Variants in NFX1 observed in about 807,000 individuals in gnomAD.
The protein encoded by NFX1 is nuclear transcription factor, X-box binding 1, also known as transcriptional repressor NF-X1.
In NFX1, 69 loss-of-function variants were observed where a neutral mutation model predicts 137.2. The observed-to-expected ratio is 0.50, with a 90% CI of 0.41 to 0.61. NFX1 has a LOEUF of 0.61. Among genes scored for constraint, NFX1 ranks in the 20% least tolerant of loss-of-function variants. The pLI, the probability that NFX1 is intolerant of heterozygous loss-of-function variation, is 0.00. For synonymous variants in NFX1, 495 were observed against 474.1 expected (o/e 1.04, Z -0.57); for missense variants, 1,167 against 1,391.0 (o/e 0.84, Z 2.56).
intron 9 of NFX1, among the ~76,000 whole-genome samples, chr9:33,326,889 G>A (rs1424807364): frequency 6.6e-6 from 1 of 152,150 alleles, no homozygotes; most frequent in African/African-American, 2.4e-5. Context: ...CTGTGTAAGG[G>A]TAAACCTTCT....
intron 9 of NFX1, among the ~76,000 whole-genome samples, chr9:33,328,373 G>C (rs1202622730): frequency 6.6e-6 from 1 of 152,020 alleles, no homozygotes; most frequent in African/African-American, 2.4e-5. Flanking sequence ...ATATTCCAGT[G>C]TCTAAGCTGG....
chr9:33,290,580 A>C lies in NFX1; in HGVS notation c.8A>C (p.Glu3Ala), dbSNP rs779535393. The change falls in exon 1 of 24, where the codon GAG becomes GCG. Residue 3 changes from glutamate to alanine, a missense_variant. Glu to Ala is a moderately radical substitution (Grantham distance 107). Coordinates refer to ENST00000379540, the MANE Select transcript of NFX1 (RefSeq NM_002504.6). ...TAGGTTCTGCGGCACGGGATGGCGGAGGCGCCTCCTGTCTCAGGTATTGTC... is the reference window on the plus strand; with the variant it reads ...TAGGTTCTGCGGCACGGGATGGCGGCGGCGCCTCCTGTCTCAGGTATTGTC... Reference protein sequence around the residue: MAEAPPVSGTFKF... With the variant: MAAAPPVSGTFKF... 1 of 1,613,898 alleles carries C rather than the reference A, an allele frequency of 6.2e-7. No homozygotes were observed. The highest frequency in any genetic ancestry group is 1.1e-5 in the South Asian group (1 of 91,076).
intron 2 of NFX1, among the ~76,000 whole-genome samples, chr9:33,299,935 C>A (rs574124649): frequency 1.3e-5 from 2 of 151,926 alleles, no homozygotes; most frequent in African/African-American, 2.4e-5. Flanking sequence ...TTACAGTGTG[C>A]GCTTTTGAGT....
chr9:33,306,335 TTGAC>T (rs1821752811), intron 4 of NFX1, among the ~76,000 whole-genome samples: 2 of 152,150 alleles, frequency 1.3e-5, no homozygotes, highest in Non-Finnish European at 2.9e-5. Context: ...GATGTGAACT[TTGAC>T]TGTGGATAAA....
intron 4 of NFX1, 63 bp from the exon 5 acceptor site, chr9:33,307,131 T>C: frequency 7.6e-7 from 1 of 1,312,968 alleles, no homozygotes; most frequent in South Asian, 1.2e-5. Flanking sequence ...CTTTACTGTT[T>C]CATTAAAGTT....
chr9:33,332,553 C>T (rs1392466494), intron 11 of NFX1, 51 bp downstream of exon 11: 3 of 1,348,822 alleles, frequency 2.2e-6, no homozygotes, highest in Non-Finnish European at 3.1e-6. Context: ...AGTGTCGTCA[C>T]TCTGAATCTT....
intron 18 of NFX1, among the ~76,000 whole-genome samples, 200 bp from the exon 19 acceptor site, chr9:33,354,650 TG>T (rs1347034240): frequency 6.6e-6 from 1 of 152,176 alleles, no homozygotes; most frequent in Non-Finnish European, 1.5e-5. Context: ...TTGGGGTCCC[TG>T]GGGAAATGGT....
rs762981638 is a variant in NFX1 at position 33,301,314 on chromosome 9, G to A, written c.1085G>A (p.Cys362Tyr). Residue 362 changes from cysteine (C) to tyrosine (Y), a missense_variant, in exon 3 of 24, where the codon TGT becomes TAT. Physicochemically the swap from Cys to Tyr is radical, Grantham distance 194. This residue lies in a region of NFX1 where 488 missense variants were observed against 691.5 expected (regional missense o/e 0.71). Coordinates refer to ENST00000379540, the MANE Select transcript of NFX1 (RefSeq NM_002504.6). ...TTEKYECMVC[C>Y]ELVRVTAPVW... ...GAAAAATACGAGTGCATGGTGTGCT[G>A]TGAATTGGTTCGTGTCACGGCCCCA... The A allele has an allele frequency of 1.2e-6, 2 of 1,614,170 alleles. No homozygotes were observed. Among genetic ancestry groups the A allele is most frequent in the South Asian group, 1.1e-5 (1 of 91,086 alleles).
Position 33,307,955 on chromosome 9 carries a change from C to T in NFX1, c.1376+656C>T, listed in dbSNP as rs571592449. 2.4e-3 allele frequency among the ~76,000 whole-genome samples: 359 copies of T among 151,894 alleles called. 1 individual carries two copies. Among genetic ancestry groups the T allele is most frequent in the African/African-American group, 7.7e-3 (320 of 41,474 alleles). On this transcript the variant is annotated intron_variant, in intron 5 of 23. Transcript: ENST00000379540. ...AGTAGCTGGGACTACAGGCGTGTGC[C>T]ACCACGCCTGGCTAATTTTTGTATG...
chr9:33,366,530 CTCTTATTGA>C, intron 21 of NFX1, 90 bp from the exon 22 acceptor site: 1 of 1,435,758 alleles, frequency 7.0e-7, no homozygotes. Flanking sequence ...CTAAAATCAC[CTCTTATTGA>C]TCCCTGCAAT....
chr9:33,351,723 G>A lies in NFX1; in HGVS notation c.2588G>A (p.Cys863Tyr). 1 of 1,613,534 alleles carries A rather than the reference G, an allele frequency of 6.2e-7. No individual in the cohort carries two copies. ...CCCTGCACCACCCCCAGAGCTGACT[G>A]TGGTCACCCGTGTATGGCACCCTGC... Reference protein sequence around the residue: ...KQPCTTPRADCGHPCMAPCHT... With the variant: ...KQPCTTPRADYGHPCMAPCHT... Residue 863 changes from cysteine (C) to tyrosine (Y), a missense_variant, in exon 16 of 24, where the codon TGT becomes TAT. Physicochemically the swap from Cys to Tyr is radical, Grantham distance 194. Transcript: ENST00000379540.
At chr9:33,296,239 CTG>C (rs1821351499) in intron 2 of NFX1, among the ~76,000 whole-genome samples, 1 of 152,218 alleles carries the variant, frequency 6.6e-6, no homozygotes, top group Non-Finnish European at 1.5e-5. Flanking sequence ...ACACATTAAA[CTG>C]TGTCACTCCT....
At position 33,305,899 on chromosome 9, in the gene NFX1, C is replaced by G. The variant is rs1467617667; in HGVS notation, c.1271-1295C>G. On this transcript the variant is annotated intron_variant, in intron 4 of 23. Transcript: ENST00000379540. ...GACCAGGACTTAAGGATGAGAATCA[C>G]AGCTGAGAGGAGTAGTTAAGACCCT... Among the ~76,000 whole-genome samples, 6 of 152,242 alleles carry G rather than the reference C, an allele frequency of 3.9e-5. No homozygotes were observed. The East Asian group carries it at 9.6e-4, about 24-fold the overall frequency.
intron 5 of NFX1, among the ~76,000 whole-genome samples, chr9:33,309,756 G>T (rs535881262): frequency 6.6e-6 from 1 of 152,288 alleles, no homozygotes; most frequent in South Asian, 2.1e-4. Context: ...GCCTCCCAAA[G>T]TGCTGAGAGT....
At position 33,354,879 on chromosome 9, in the gene NFX1, T is replaced by C; in HGVS notation, c.2860T>C (p.Leu954=). 3 of 1,613,972 alleles carry C rather than the reference T, an allele frequency of 1.9e-6. No individual in the cohort carries two copies. The highest frequency in any genetic ancestry group is 1.7e-4 in the Middle Eastern group (1 of 6,058). Residue 954 remains leucine, a synonymous_variant, in exon 19 of 24, where the codon TTG becomes CTG. Coordinates refer to ENST00000379540, the MANE Select transcript of NFX1 (RefSeq NM_002504.6). ...GGAGTGTGATGAGGAGTGTTCAGCC[T>C]TGGAAAGGAAAAAGTAAGTAGTTGC... ...RLECDEECSA[L]ERKKRLAEAF...
rs1377945369 is a variant in NFX1 at position 33,319,074 on chromosome 9, C to T, written c.1853C>T (p.Pro618Leu). Residue 618 changes from proline (P) to leucine (L), a missense_variant, in exon 9 of 24, where the codon CCT becomes CTT. Transcript: ENST00000379540. ...GSSSRKTCMD[P>L]VPSCGKVCGK... Reference sequence around the variant, plus strand: ...AGTAGTCGGAAAACATGCATGGACCCTGTGCCTTCATGTGGAAAAGTGTGC... The same window carrying T: ...AGTAGTCGGAAAACATGCATGGACCTTGTGCCTTCATGTGGAAAAGTGTGC... 2 of 1,614,204 alleles carry T rather than the reference C, an allele frequency of 1.2e-6. No homozygotes were observed. The highest frequency in any genetic ancestry group is 1.7e-6 in the Non-Finnish European group (2 of 1,180,042).
intron 21 of NFX1, among the ~76,000 whole-genome samples, 199 bp from the exon 22 acceptor site, chr9:33,366,428 CAG>C (rs1564153117): frequency 6.6e-6 from 1 of 152,148 alleles, no homozygotes; most frequent in Non-Finnish European, 1.5e-5. Flanking sequence ...TTGTGGCTCA[CAG>C]AGTAGGTGAA....
intron 13 of NFX1, 107 bp from the exon 14 acceptor site, chr9:33,343,962 C>T: frequency 2.1e-6 from 3 of 1,454,718 alleles, no homozygotes; most frequent in Non-Finnish European, 2.8e-6. Flanking sequence ...CCCATAAATT[C>T]TCCTCTAAAA....
At position 33,351,934 on chromosome 9, in the gene NFX1, G is replaced by A. The variant is rs1823652501; in HGVS notation, c.2655+144G>A. The A allele has an allele frequency of 5.3e-6, 4 of 750,888 alleles. No homozygotes were observed. In the East Asian group the frequency reaches 1.2e-4, roughly 22 times the overall value. The allele number at this position is 750,888 out of a possible 1,614,324, so 46.5% of individuals were successfully genotyped here. On this transcript the variant is annotated intron_variant, in intron 16 of 23. Transcript: ENST00000379540. ...TAACCACAAGTTAGAGAAAGGTAGAGTAAGTCATACAAGTTTCTGCCTGCC... is the reference window on the plus strand; with the variant it reads ...TAACCACAAGTTAGAGAAAGGTAGAATAAGTCATACAAGTTTCTGCCTGCC...
Sources: gnomAD v4.1 joint callset for allele counts (sites outside exome capture counted in the v4.1 genomes callset) on GRCh38, gnomAD v4.1.1 for gene constraint, gnomAD v4.1.1 regional missense constraint, MANE v1.5 for transcripts, NCBI Gene and HGNC (gene_info 2026-07-23, HGNC 2026-07-21) for gene names.